Variants in MED13L observed in about 807,000 individuals in gnomAD.
MED13L encodes the protein mediator of RNA polymerase II transcription subunit 13-like.
MED13L carries 7 observed loss-of-function variants against 220.9 expected under a neutral mutation model. The observed-to-expected ratio is 0.03, with a 90% confidence interval of 0.02 to 0.06. The LOEUF is 0.06. Ranked by LOEUF, MED13L falls within the 10% of genes least tolerant of loss-of-function variation. The pLI is 1.00. For synonymous variants in MED13L, 1,011 were observed against 1,015.2 expected (o/e 1.00, Z 0.08); for missense variants, 1,965 against 2,760.5 (o/e 0.71, Z 6.46).
chr12:116,090,128 G>A (rs1872064403), intron 4 of MED13L, among the ~76,000 whole-genome samples: 1 of 152,164 alleles, frequency 6.6e-6, no homozygotes, highest in South Asian at 2.1e-4. Context: ...CTTCCCTCAT[G>A]CTACCAAAAG....
chr12:116,194,226 T>C (rs528203481), intron 2 of MED13L, among the ~76,000 whole-genome samples: 7 of 152,116 alleles, frequency 4.6e-5, no homozygotes, highest in Non-Finnish European at 1.0e-4. Context: ...AGTGCAATGG[T>C]GCAACCTCGG....
At chr12:116,006,047 G>A in intron 12 of MED13L, 54 bp from the exon 13 acceptor site, 1 of 1,606,732 alleles carries the variant, frequency 6.2e-7, no homozygotes, top group African/African-American at 1.3e-5. Context: ...AAGCGCAAAG[G>A]AGTAGGGAGA....
At chr12:116,270,714 C>T (rs932657522) in intron 1 of MED13L, among the ~76,000 whole-genome samples, 3 of 152,012 alleles carry the variant, frequency 2.0e-5, no homozygotes, top group African/African-American at 7.3e-5. Flanking sequence ...ACCTTTAAAT[C>T]TTTCAAATAA....
At chr12:116,065,946 T>G (rs1197763553) in intron 4 of MED13L, among the ~76,000 whole-genome samples, 1 of 152,206 alleles carries the variant, frequency 6.6e-6, no homozygotes, top group African/African-American at 2.4e-5. Context: ...GTTTTTCTGC[T>G]TAAGTAGAGT....
At chr12:116,256,191 T>C (rs1872023582) in intron 1 of MED13L, among the ~76,000 whole-genome samples, 1 of 151,434 alleles carries the variant, frequency 6.6e-6, no homozygotes, top group African/African-American at 2.4e-5. Context: ...CCTAGTTATT[T>C]ACAGAAATAA....
chr12:116,013,051 T>C, intron 8 of MED13L, 150 bp from the exon 9 acceptor site: 1 of 673,152 alleles, frequency 1.5e-6, no homozygotes, highest in Non-Finnish European at 2.7e-6. Flanking sequence ...AAACAACCTG[T>C]TTTATGTACT....
intron 4 of MED13L, among the ~76,000 whole-genome samples, chr12:116,045,597 G>A (rs957851714): frequency 6.6e-6 from 1 of 152,208 alleles, no homozygotes; most frequent in Admixed American, 6.5e-5. Flanking sequence ...AGCGTATCTG[G>A]TAATAGTATA....
chr12:116,191,952 ATTAATTT>A (rs751117726), intron 2 of MED13L, among the ~76,000 whole-genome samples: 11 of 152,346 alleles, frequency 7.2e-5, no homozygotes, highest in Non-Finnish European at 1.6e-4. Flanking sequence ...CACACAAACT[ATTAATTT>A]TTATTCTACC....
intron 2 of MED13L, among the ~76,000 whole-genome samples, chr12:116,123,655 A>C (rs1257938374): frequency 6.6e-6 from 1 of 152,190 alleles, no homozygotes; most frequent in Non-Finnish European, 1.5e-5. Flanking sequence ...CTAAAGCTCA[A>C]ACAGTTGTCT....
chr12:116,238,173 G>A (rs1202799104), intron 1 of MED13L, among the ~76,000 whole-genome samples: 2 of 152,170 alleles, frequency 1.3e-5, no homozygotes, highest in Admixed American at 6.5e-5. Flanking sequence ...GAAGCAGTTA[G>A]CATGAAGTAC....
intron 7 of MED13L, among the ~76,000 whole-genome samples, chr12:116,017,722 C>T (rs1879811392): frequency 6.6e-6 from 1 of 152,140 alleles, no homozygotes; most frequent in African/African-American, 2.4e-5. Context: ...CTCAAGCCAT[C>T]TTCCCACCTC....
intron 4 of MED13L, among the ~76,000 whole-genome samples, chr12:116,089,748 G>A (rs1235758215): frequency 2.6e-5 from 4 of 152,068 alleles, no homozygotes; most frequent in Non-Finnish European, 4.4e-5. Context: ...ATAAAAACAG[G>A]AGCAGTCATT....
chr12:116,103,645 T>C (rs1401960603), intron 3 of MED13L, among the ~76,000 whole-genome samples: 1 of 152,220 alleles, frequency 6.6e-6, no homozygotes, highest in Non-Finnish European at 1.5e-5. Flanking sequence ...AAATATTCAC[T>C]AAATAGCTAC....
intron 2 of MED13L, among the ~76,000 whole-genome samples, chr12:116,166,784 T>C (rs1431813641): frequency 6.6e-6 from 1 of 152,216 alleles, no homozygotes; most frequent in Non-Finnish European, 1.5e-5. Context: ...TACTCCACAG[T>C]GCTTACTATA....
intron 2 of MED13L, among the ~76,000 whole-genome samples, chr12:116,148,335 C>T (rs1173287706): frequency 6.6e-6 from 1 of 151,502 alleles, no homozygotes; most frequent in Non-Finnish European, 1.5e-5. Flanking sequence ...TACACAAAGC[C>T]ATATATTAAA....
chr12:116,072,298 C>T (rs558551922), intron 4 of MED13L, among the ~76,000 whole-genome samples: 2 of 152,242 alleles, frequency 1.3e-5, no homozygotes, highest in South Asian at 2.1e-4. Flanking sequence ...TGGTCCAAAC[C>T]CCTGGTTTTC....
At chr12:116,243,797 T>C (rs1870856458) in intron 1 of MED13L, among the ~76,000 whole-genome samples, 1 of 152,128 alleles carries the variant, frequency 6.6e-6, no homozygotes, top group Non-Finnish European at 1.5e-5. Context: ...GCCTGGTTTT[T>C]CAACCATTTA....
intron 2 of MED13L, among the ~76,000 whole-genome samples, chr12:116,194,621 T>G (rs1881502843): frequency 6.6e-6 from 1 of 152,214 alleles, no homozygotes; most frequent in South Asian, 2.1e-4. Flanking sequence ...TAAATAAACT[T>G]TGGCTGAACT....
intron 2 of MED13L, among the ~76,000 whole-genome samples, chr12:116,118,404 G>C (rs1375508924): frequency 2.0e-5 from 3 of 151,920 alleles, no homozygotes; most frequent in Non-Finnish European, 4.4e-5. Flanking sequence ...TCAGTGTTTG[G>C]ATTTAAATTT....
Sources: allele counts gnomAD v4.1 joint callset (sites outside exome capture counted in the v4.1 genomes callset), GRCh38; gene constraint gnomAD v4.1.1; transcripts MANE v1.5; gene names NCBI Gene and HGNC (gene_info 2026-07-23, HGNC 2026-07-21).